MYH11: variants seen among roughly 807,000 people sequenced by gnomAD.
MYH11 encodes myosin heavy chain 11, also known as myosin-11.
In MYH11, 80 loss-of-function variants were observed where a neutral mutation model predicts 246.6. That is an observed-to-expected ratio of 0.32 (90% CI 0.27 to 0.39). The LOEUF (loss-of-function observed/expected upper bound fraction) is 0.39. Ranked by LOEUF, MYH11 falls within the 10% of genes least tolerant of loss-of-function variation. MYH11 has a pLI of 1.00. For synonymous variants in MYH11, 1,071 were observed against 1,015.5 expected, an observed-to-expected ratio of 1.05 and a Z score of -1.04; for missense variants, 2,158 against 2,546.8, an observed-to-expected ratio of 0.85 and a Z score of 3.29.
intron 2 of MYH11, among the ~76,000 whole-genome samples, chr16:15,829,932 C>T (rs967770086): frequency 1.3e-5 from 2 of 152,224 alleles, no homozygotes; most frequent in Admixed American, 6.5e-5. Context: ...GTCAAGAGTT[C>T]GAGACCAGCC....
rs201477909 is a variant in MYH11 at position 15,820,044 on chromosome 16, C to CA, written c.502+3210dup. ...GCAAAGTCAGTGGCCTTGGAAAGGCCAAAAAAAAGATTCAGGGGCCAAGTG... is the reference window on the plus strand; with the variant it reads ...GCAAAGTCAGTGGCCTTGGAAAGGCCAAAAAAAAAGATTCAGGGGCCAAGTG... On this transcript the variant is annotated intron_variant, in intron 3 of 40. Transcript: ENST00000300036. 9.7e-3 allele frequency among the ~76,000 whole-genome samples: 1,463 copies of CA among 151,570 alleles called. 24 individuals are homozygous for CA. The highest frequency in any genetic ancestry group is 0.033 in the African/African-American group (1,366 of 41,358).
intron 28 of MYH11, chr16:15,725,733 AT>A (rs1248799649): frequency 2.5e-6 from 1 of 398,628 alleles, no homozygotes; most frequent in African/African-American, 2.1e-5. Context: ...CATGTTAAAC[AT>A]TTGTGAAAAC....
intron 9 of MYH11, among the ~76,000 whole-genome samples, chr16:15,770,999 C>CTT (rs199688463): frequency 2.1e-5 from 3 of 146,244 alleles, no homozygotes; most frequent in African/African-American, 7.5e-5. Context: ...AATTCCTGAA[C>CTT]TTTTTTTTTT....
In MYH11 at chr16:15,771,684, G is replaced by C; in HGVS notation, c.918C>G (p.Asn306Lys). 1 of 1,614,154 alleles carries C rather than the reference G, an allele frequency of 6.2e-7. No individual in the cohort carries two copies. Among genetic ancestry groups the C allele is most frequent in the Non-Finnish European group, 8.5e-7 (1 of 1,180,034 alleles). ...RSDLLLEGFNNYTFLSNGFVP... is the reference protein window; with the variant it reads ...RSDLLLEGFNKYTFLSNGFVP... ...CAAAGCCATTGGAGAGGAAGGTGTA[G>C]TTGTTGAAGCCCTCCAAAAGCAAGT... The change falls in exon 9 of 41, where the codon AAC becomes AAG. Residue 306 changes from asparagine to lysine, a missense_variant. Coordinates refer to ENST00000300036, the MANE Select transcript of MYH11 (RefSeq NM_002474.3).
At position 15,711,381 on chromosome 16, in the gene MYH11, G is replaced by C. The variant is rs184807224; in HGVS notation, c.5786+3528C>G. The C allele has an allele frequency of 2.0e-4, 30 of 152,240 alleles. No homozygotes were observed. The East Asian group carries it at 4.0e-3, about 21-fold the overall frequency. The allele number at this position is 152,240 out of a possible 1,614,324, so 9.4% of individuals were successfully genotyped here. ...AATGGCTGTTGTCACTCCCTTTTTA[G>C]TGGAGAAGTAGGCTTCAGGTCTTGG... On this transcript the variant is annotated intron_variant, in intron 40 of 40. Coordinates refer to ENST00000300036, the MANE Select transcript of MYH11 (RefSeq NM_002474.3).
intron 40 of MYH11, among the ~76,000 whole-genome samples, chr16:15,710,373 T>C (rs2039711399): frequency 6.6e-6 from 1 of 151,980 alleles, no homozygotes; most frequent in African/African-American, 2.4e-5. Flanking sequence ...ATACAAAAAT[T>C]AGCCAGGTGT....
rs1169016165 is a variant in MYH11, at chr16:15,741,487, C to T, written c.2835G>A (p.Arg945=). The change falls in exon 22 of 41, where the codon AGG becomes AGA. Residue 945 remains arginine, a synonymous_variant. Transcript: ENST00000300036. ...EDRGQQLQAE[R]KKMAQQMLDL... ...CCAGCATCTGCTGGGCCATCTTCTT[C>T]CTTTCAGCCTGTAGCTGCTGGCCCC... 6.2e-7 allele frequency: 1 copy of T among 1,608,726 alleles called. No homozygotes were observed. The highest frequency in any genetic ancestry group is 8.5e-7 in the Non-Finnish European group (1 of 1,180,010).
At chr16:15,714,751 C>T (rs1362105094) in intron 40 of MYH11, 158 bp downstream of exon 40, 1 of 954,364 alleles carries the variant, frequency 1.0e-6, no homozygotes, top group African/African-American at 1.6e-5. Context: ...GTGCCTGGCC[C>T]ACACTAAGCT....
intron 19 of MYH11, 131 bp downstream of exon 19, chr16:15,747,439 C>G (rs754579368): frequency 8.1e-6 from 9 of 1,113,590 alleles, no homozygotes; most frequent in African/African-American, 1.5e-5. Flanking sequence ...TCTTCCCCTT[C>G]AAGAAAAGGC....
chr16:15,828,787 T>TA (rs1209396542), intron 2 of MYH11, among the ~76,000 whole-genome samples: 1,406 of 63,514 alleles, frequency 0.022, 14 homozygotes, highest in African/African-American at 0.029. Flanking sequence ...AGTGAGACTC[T>TA]AAAAAAAAAA....
chr16:15,740,846 T>C (rs918096631), intron 22 of MYH11, among the ~76,000 whole-genome samples: 2 of 152,182 alleles, frequency 1.3e-5, no homozygotes, highest in African/African-American at 4.8e-5. Context: ...CTTCAGAGAT[T>C]AGGCTATAAA....
intron 3 of MYH11, among the ~76,000 whole-genome samples, chr16:15,820,618 G>T (rs915746049): frequency 3.9e-5 from 6 of 152,114 alleles, no homozygotes; most frequent in East Asian, 1.9e-4. Flanking sequence ...AGGAAAACTG[G>T]TGACCCATCA....
At chr16:15,769,016 AAAC>A (rs1460268204) in intron 9 of MYH11, among the ~76,000 whole-genome samples, 5 of 151,772 alleles carry the variant, frequency 3.3e-5, no homozygotes, top group African/African-American at 1.2e-4. Flanking sequence ...AACCAAAACA[AAAC>A]AAAAAACCCC....
At chr16:15,711,756 G>A (rs2039809713) in intron 40 of MYH11, among the ~76,000 whole-genome samples, 2 of 152,004 alleles carry the variant, frequency 1.3e-5, no homozygotes, top group Non-Finnish European at 2.9e-5. Flanking sequence ...GCAGTGGTGC[G>A]ATCTCAGCTC....
intron 10 of MYH11, 55 bp downstream of exon 10, chr16:15,763,741 T>TGCGGGCCCCCCCCCCCCC: frequency 1.5e-6 from 1 of 646,862 alleles, no homozygotes; most frequent in Non-Finnish European, 2.9e-6. Flanking sequence ...AAATGTCACC[T>TGCGGGCCCCCCCCCCCCC]CCCCCACCCC....
intron 1 of MYH11, among the ~76,000 whole-genome samples, chr16:15,849,727 C>T (rs1348030026): frequency 6.6e-6 from 1 of 152,150 alleles, no homozygotes; most frequent in Non-Finnish European, 1.5e-5. Flanking sequence ...GCTAGGATTA[C>T]AAGCATGAGC....
At chr16:15,826,374 G>A (rs1170013873) in intron 2 of MYH11, among the ~76,000 whole-genome samples, 1 of 151,978 alleles carries the variant, frequency 6.6e-6, no homozygotes, top group East Asian at 1.9e-4. Flanking sequence ...GATTGCTTGA[G>A]CCCAGAAGTC....
intron 27 of MYH11, among the ~76,000 whole-genome samples, chr16:15,731,785 G>A (rs909297930): frequency 9.9e-5 from 15 of 151,394 alleles, no homozygotes; most frequent in African/African-American, 2.7e-4. Context: ...GTGAGCCACC[G>A]TGCCCAGCCT....
intron 3 of MYH11, 134 bp from the exon 4 acceptor site, chr16:15,798,821 C>T: frequency 1.0e-6 from 1 of 965,696 alleles, no homozygotes; most frequent in Non-Finnish European, 1.6e-6. Flanking sequence ...GACAACAGGT[C>T]AGCTGGGCTC....
Sources: gnomAD v4.1 joint callset for allele counts (sites outside exome capture counted in the v4.1 genomes callset) on GRCh38, gnomAD v4.1.1 for gene constraint, MANE v1.5 for transcripts, NCBI Gene and HGNC (gene_info 2026-07-23, HGNC 2026-07-21) for gene names.